The following OPCML variants were observed in gnomAD, a reference collection of about 807,000 sequenced individuals.
OPCML encodes the protein opioid-binding protein/cell adhesion molecule.
A neutral mutation model predicts 37.8 loss-of-function variants in OPCML; 13 were observed. That is an observed-to-expected ratio of 0.34 (90% CI 0.22 to 0.55). OPCML has a LOEUF of 0.55. Among genes scored for constraint, OPCML ranks in the 20% least tolerant of loss-of-function variants. OPCML has a pLI of 0.91. For missense variants in OPCML, 341 were observed against 435.6 expected (o/e 0.78, Z 1.93); for synonymous variants, 176 against 168.8 (o/e 1.04, Z -0.33).
At chr11:132,438,859 CT>C (rs761730771) in intron 4 of OPCML, among the ~76,000 whole-genome samples, 67 of 152,040 alleles carry the variant, frequency 4.4e-4, no homozygotes, top group Non-Finnish European at 1.0e-4. Flanking sequence ...GCCTTGGGGG[CT>C]TCCACCACCC....
chr11:133,088,279 G>A (rs66628883), intron 1 of OPCML, among the ~76,000 whole-genome samples: 22,801 of 152,142 alleles, frequency 0.15, 2,531 homozygotes, highest in African/African-American at 0.31. Context: ...TTAAAAGCAC[G>A]GATTGCGAAG....
At chr11:133,446,486 G>A (rs7481245) in intron 1 of OPCML, among the ~76,000 whole-genome samples, 11,971 of 152,100 alleles carry the variant, frequency 0.079, 1,498 homozygotes, top group African/African-American at 0.27. Context: ...GTGTGGTGGT[G>A]TAGTCATAGC....
At chr11:133,507,021 T>A (rs1948047217) in intron 1 of OPCML, among the ~76,000 whole-genome samples, 1 of 152,216 alleles carries the variant, frequency 6.6e-6, no homozygotes, top group Non-Finnish European at 1.5e-5. Context: ...ATGTGGGTCT[T>A]TCCCCCACTT....
At chr11:133,500,618 G>A (rs780720960) in intron 1 of OPCML, among the ~76,000 whole-genome samples, 20 of 152,142 alleles carry the variant, frequency 1.3e-4, no homozygotes, top group Non-Finnish European at 1.9e-4. Flanking sequence ...ACAAGGCGAG[G>A]TGCCCACTAG....
At chr11:132,813,884 G>A (rs942822744) in intron 2 of OPCML, among the ~76,000 whole-genome samples, 1 of 152,062 alleles carries the variant, frequency 6.6e-6, no homozygotes, top group Non-Finnish European at 1.5e-5. Flanking sequence ...TCTCATTTTG[G>A]AAGCCAGCAT....
intron 1 of OPCML, among the ~76,000 whole-genome samples, chr11:132,997,685 G>T (rs1458308518): frequency 6.6e-6 from 1 of 152,214 alleles, no homozygotes; most frequent in African/African-American, 2.4e-5. Flanking sequence ...AAGACTCCTG[G>T]CTGGGGCTGC....
At chr11:133,231,941 C>T (rs976087773) in intron 1 of OPCML, among the ~76,000 whole-genome samples, 3 of 55,030 alleles carry the variant, frequency 5.5e-5, no homozygotes, top group Non-Finnish European at 9.9e-5. Flanking sequence ...GGCTTAGGAT[C>T]CTACAAGGAA....
At chr11:133,278,076 A>C (rs1942042440) in intron 1 of OPCML, among the ~76,000 whole-genome samples, 1 of 152,132 alleles carries the variant, frequency 6.6e-6, no homozygotes, top group Non-Finnish European at 1.5e-5. Flanking sequence ...AGCCGGGGAC[A>C]CCTTGGTCTG....
chr11:132,761,394 A>C lies in OPCML; in HGVS notation c.147-104075T>G, dbSNP rs555778282. On this transcript the variant is annotated intron_variant, in intron 2 of 7. Coordinates refer to ENST00000524381, the MANE Select transcript of OPCML (RefSeq NM_001012393.5). The stretch of plus-strand genomic sequence containing the variant: ...GAAGTTCTACTGGATGATATCACGA[A>C]GTGTGTTTTCCAACTTGGTTCCATT... Among the ~76,000 whole-genome samples, 10 of 152,138 alleles carry C rather than the reference A, an allele frequency of 6.6e-5. No individual in the cohort carries two copies. The East Asian group carries it at 1.7e-3, about 26-fold the overall frequency.
intron 1 of OPCML, among the ~76,000 whole-genome samples, chr11:132,970,115 C>A (rs1946307252): frequency 6.6e-6 from 1 of 152,098 alleles, no homozygotes; most frequent in Non-Finnish European, 1.5e-5. Context: ...TCATGGTTTC[C>A]AGGTCATGGT....
rs150721602 is a variant in OPCML, at chr11:133,150,237, T to C, written c.62-207227A>G. 4.5e-3 allele frequency among the ~76,000 whole-genome samples: 693 copies of C among 152,356 alleles called. 2 individuals carry two copies. Among genetic ancestry groups the C allele is most frequent in the African/African-American group, 0.016 (659 of 41,578 alleles). On this transcript the variant is annotated intron_variant, in intron 1 of 7. Coordinates refer to ENST00000524381, the MANE Select transcript of OPCML (RefSeq NM_001012393.5). ...TGCTAGTAATAATCACAAAGTCTAA[T>C]GTGTATCGAGCCCTTACTCCATGTC...
chr11:132,814,317 A>G lies in OPCML; in HGVS notation c.146+128609T>C, dbSNP rs191933372. Among the ~76,000 whole-genome samples the G allele has an allele frequency of 3.2e-3, 494 of 152,292 alleles. 1 individual carries two copies. The highest frequency in any genetic ancestry group is 6.8e-3 in the Middle Eastern group (2 of 294). ...TTATGAGAAATTGGCTCATACGGTT[A>G]TGGAGGCTGAGAAACTTCATAATCT... On this transcript the variant is annotated intron_variant, in intron 2 of 7. Transcript: ENST00000524381.
rs112053263 is a variant in OPCML at position 132,735,496 on chromosome 11, T to G, written c.147-78177A>C. ...CAAAATAATTGTTGTTGTTGTTGTT[T>G]TTTTTCTTGAGACAGAGTCTCACTC... On this transcript the variant is annotated intron_variant, in intron 2 of 7. Transcript: ENST00000524381. Among the ~76,000 whole-genome samples, 1,038 of 152,236 alleles carry G rather than the reference T, an allele frequency of 6.8e-3. 5 individuals carry two copies. Among genetic ancestry groups the G allele is most frequent in the African/African-American group, 0.011 (473 of 41,518 alleles).
At chr11:133,070,226 CAG>C (rs926522681) in intron 1 of OPCML, among the ~76,000 whole-genome samples, 1 of 152,182 alleles carries the variant, frequency 6.6e-6, no homozygotes. Flanking sequence ...ACATGCAAGG[CAG>C]AGTTTATTAG....
chr11:133,505,870 C>T (rs562959490), intron 1 of OPCML, among the ~76,000 whole-genome samples: 16 of 152,274 alleles, frequency 1.1e-4, no homozygotes, highest in Admixed American at 6.5e-4. Flanking sequence ...TCCACACTCC[C>T]GGCCGACCTT....
At chr11:132,869,366 A>G (rs1192608188) in intron 2 of OPCML, among the ~76,000 whole-genome samples, 2 of 152,196 alleles carry the variant, frequency 1.3e-5, no homozygotes, top group African/African-American at 2.4e-5. Context: ...CATAAGGAAG[A>G]TGCGGAGGGC....
intron 1 of OPCML, among the ~76,000 whole-genome samples, chr11:133,218,683 C>G (rs1018439301): frequency 2.0e-5 from 3 of 152,074 alleles, no homozygotes; most frequent in African/African-American, 7.2e-5. Context: ...AACTGCCTAC[C>G]CTACTCCAGG....
At chr11:132,453,272 T>C (rs182501254) in intron 4 of OPCML, among the ~76,000 whole-genome samples, 1 of 152,316 alleles carries the variant, frequency 6.6e-6, no homozygotes, top group East Asian at 1.9e-4. Context: ...AAAGCTGTAC[T>C]ACATTGCACA....
chr11:132,640,522 T>C lies in OPCML; in HGVS notation c.379+16565A>G, dbSNP rs548970023. ...TCCAACCAAATATTGTCATTTCTTT[T>C]ATCATGAAATACTTATTGATTACTC... is the stretch of plus-strand genomic sequence containing the variant. On this transcript the variant is annotated intron_variant, in intron 3 of 7. Transcript: ENST00000524381. 4.6e-5 allele frequency among the ~76,000 whole-genome samples: 7 copies of C among 152,332 alleles called. No individual in the cohort carries two copies. The East Asian group carries it at 1.4e-3, about 29-fold the overall frequency.
Sources: allele counts gnomAD v4.1 joint callset (sites outside exome capture counted in the v4.1 genomes callset), GRCh38; gene constraint gnomAD v4.1.1; transcripts MANE v1.5; gene names NCBI Gene and HGNC (gene_info 2026-07-23, HGNC 2026-07-21).